KLHL2: variants seen among roughly 807,000 people sequenced by gnomAD.
KLHL2 encodes kelch-like protein 2.
KLHL2 carries 15 observed loss-of-function variants against 75.8 expected under a neutral mutation model. That is an observed-to-expected ratio of 0.20 (90% CI 0.13 to 0.30). The LOEUF (loss-of-function observed/expected upper bound fraction) is 0.30, where lower values mean the gene tolerates loss of function less well. Ranked by LOEUF, KLHL2 falls within the 10% of genes least tolerant of loss-of-function variation. The pLI, the probability that KLHL2 is intolerant of heterozygous loss-of-function variation, is 1.00. For missense variants in KLHL2, 381 were observed against 741.0 expected (o/e 0.51, Z 5.64); for synonymous variants, 214 against 251.9 (o/e 0.85, Z 1.42).
chr4:165,268,348 C>T (rs1392492055), intron 5 of KLHL2, among the ~76,000 whole-genome samples: 1 of 152,082 alleles, frequency 6.6e-6, no homozygotes, highest in African/African-American at 2.4e-5. Flanking sequence ...TTCTTGTCTT[C>T]TGCTAGCTTT....
At chr4:165,274,534 G>A (rs1323426298) in intron 5 of KLHL2, among the ~76,000 whole-genome samples, 12 of 151,688 alleles carry the variant, frequency 7.9e-5, no homozygotes, top group South Asian at 4.1e-4. Flanking sequence ...GCCTGAACCC[G>A]GGAGGCGGAG....
intron 5 of KLHL2, among the ~76,000 whole-genome samples, chr4:165,264,767 A>T (rs113440533): frequency 0.011 from 808 of 71,726 alleles, 7 homozygotes; most frequent in African/African-American, 0.026. Flanking sequence ...TATATATATA[A>T]AACATTATCC....
intron 2 of KLHL2, among the ~76,000 whole-genome samples, chr4:165,224,266 A>G (rs1738251513): frequency 6.6e-6 from 1 of 152,172 alleles, no homozygotes; most frequent in Non-Finnish European, 1.5e-5. Context: ...GCTATAGGAT[A>G]AGACTGTACT....
Position 165,212,128 on chromosome 4 carries a change from A to G in KLHL2, c.26+4226A>G, listed in dbSNP as rs566035058. ...TATGATGAGGTAGTTTGAGTTTTTA[A>G]TTTATATTTATTGAGTGCCTACTAT... On this transcript the variant is annotated intron_variant, in intron 1 of 14. Transcript: ENST00000226725. Among the ~76,000 whole-genome samples, 41 of 152,176 alleles carry G rather than the reference A, an allele frequency of 2.7e-4. No individual in the cohort carries two copies. The South Asian group carries it at 7.1e-3, about 26-fold the overall frequency.
chr4:165,291,072 A>G (rs982664594), intron 5 of KLHL2, among the ~76,000 whole-genome samples: 1 of 152,246 alleles, frequency 6.6e-6, no homozygotes, highest in Non-Finnish European at 1.5e-5. Flanking sequence ...GCAGTTCTCT[A>G]ATGACATGTA....
intron 1 of KLHL2, chr4:165,209,376 T>G (rs1056894342): frequency 9.2e-5 from 14 of 152,238 alleles, no homozygotes; most frequent in African/African-American, 3.4e-4. Context: ...GTAGTAAACC[T>G]GCCTTCTACA....
At chr4:165,291,970 C>A (rs1047174794) in intron 5 of KLHL2, among the ~76,000 whole-genome samples, 1 of 152,122 alleles carries the variant, frequency 6.6e-6, no homozygotes, top group African/African-American at 2.4e-5. Context: ...GGTGGGATTA[C>A]AGGTGTGAGC....
intron 5 of KLHL2, among the ~76,000 whole-genome samples, chr4:165,289,004 C>T (rs1474412281): frequency 4.6e-5 from 7 of 152,046 alleles, no homozygotes. Flanking sequence ...TATAAAATAA[C>T]AGGTGAGCTG....
At position 165,316,205 on chromosome 4, in the gene KLHL2, C is replaced by T. The variant is rs117844112; in HGVS notation, c.1610-1621C>T. 2.2e-4 allele frequency among the ~76,000 whole-genome samples: 33 copies of T among 152,292 alleles called. No individual in the cohort carries two copies. In the East Asian group the frequency reaches 6.0e-3, roughly 28 times the overall value. On this transcript the variant is annotated intron_variant, in intron 13 of 14. Transcript: ENST00000226725. ...ATGTATGGACCAACCTCCCTTTCTGCAGTGGGATGCTCTTTAATCTGTGAG... is the reference window on the plus strand; with the variant it reads ...ATGTATGGACCAACCTCCCTTTCTGTAGTGGGATGCTCTTTAATCTGTGAG...
At chr4:165,267,956 TA>T (rs1250741712) in intron 5 of KLHL2, among the ~76,000 whole-genome samples, 1 of 152,190 alleles carries the variant, frequency 6.6e-6, no homozygotes, top group Non-Finnish European at 1.5e-5. Flanking sequence ...TTTTTTTGGT[TA>T]ATAGGCTATT....
In KLHL2 at chr4:165,310,721, A is replaced by G; in HGVS notation, c.1208A>G (p.Tyr403Cys). Residue 403 changes from tyrosine (Y) to cysteine (C), a missense_variant, in exon 10 of 15, where the codon TAC becomes TGC. Transcript: ENST00000226725. ...GCTGCTGTGTTAAATGGATTATTAT[A>G]CGCTGTGGGAGGCTTTGATGGGAGT... The part of the protein sequence containing the change: ...LGAAVLNGLL[Y>C]AVGGFDGSTG... 6.2e-7 allele frequency: 1 copy of G among 1,613,644 alleles called. No homozygotes were observed. Among genetic ancestry groups the G allele is most frequent in the Non-Finnish European group, 8.5e-7 (1 of 1,179,880 alleles).
chr4:165,283,034 G>C (rs1198006661), intron 5 of KLHL2, among the ~76,000 whole-genome samples: 1 of 152,012 alleles, frequency 6.6e-6, no homozygotes, highest in Non-Finnish European at 1.5e-5. Context: ...AAAACCATCA[G>C]ATCTCATGAT....
At chr4:165,239,915 T>C (rs954546572) in intron 4 of KLHL2, among the ~76,000 whole-genome samples, 3 of 152,224 alleles carry the variant, frequency 2.0e-5, no homozygotes, top group African/African-American at 7.2e-5. Context: ...TGAAACTTGC[T>C]TTTTGAACTG....
intron 5 of KLHL2, chr4:165,278,690 T>A: frequency 6.2e-7 from 1 of 1,604,276 alleles, no homozygotes; most frequent in Non-Finnish European, 8.5e-7. Flanking sequence ...TACAGAACCT[T>A]CCAAAGCGTA....
intron 4 of KLHL2, 39 bp from the exon 5 acceptor site, chr4:165,263,158 C>G: frequency 6.2e-7 from 1 of 1,605,282 alleles, no homozygotes; most frequent in Non-Finnish European, 8.5e-7. Context: ...CAGTGTTTTT[C>G]CACCCAAGTG....
chr4:165,218,386 T>C (rs560674175), intron 1 of KLHL2, among the ~76,000 whole-genome samples: 10 of 152,174 alleles, frequency 6.6e-5, no homozygotes, highest in Non-Finnish European at 1.2e-4. Flanking sequence ...CAGGTACATA[T>C]TGGCCTTTGC....
chr4:165,227,507 G>A (rs970145148), intron 2 of KLHL2, among the ~76,000 whole-genome samples: 3 of 152,134 alleles, frequency 2.0e-5, no homozygotes, highest in African/African-American at 7.2e-5. Context: ...AAGTAGGCAG[G>A]CCACCTTTTT....
chr4:165,281,309 C>CTCTTTTT (rs554085206), intron 5 of KLHL2, among the ~76,000 whole-genome samples: 1 of 139,618 alleles, frequency 7.2e-6, no homozygotes, highest in African/African-American at 2.7e-5. Context: ...CTCTCTCTCT[C>CTCTTTTT]TTTTTTTTTT....
In KLHL2 at chr4:165,207,936, G is replaced by A. The variant is rs1736939415; in HGVS notation, c.26+34G>A. 4 of 1,361,466 alleles carry A rather than the reference G, an allele frequency of 2.9e-6. No homozygotes were observed. The highest frequency in any genetic ancestry group is 3.8e-6 in the Non-Finnish European group (4 of 1,052,822). 84.3% of individuals were successfully genotyped at this position (1,361,466 alleles called of 1,614,324 possible). Reference sequence around the variant, plus strand: ...GCGGGCGGGCGGGCTGCGCCGCTGCGGATAAGCGCGCCGCTGCGGCGCGTG... The same window carrying A: ...GCGGGCGGGCGGGCTGCGCCGCTGCAGATAAGCGCGCCGCTGCGGCGCGTG... On this transcript the variant is annotated intron_variant, in intron 1 of 14. Transcript: ENST00000226725. The surrounding 1 kb of genome is among the most constrained non-coding windows in gnomAD (Gnocchi z 4.2).
Sources: allele counts gnomAD v4.1 joint callset (sites outside exome capture counted in the v4.1 genomes callset), GRCh38; gene constraint gnomAD v4.1.1; non-coding constraint Gnocchi (gnomAD v3.1); transcripts MANE v1.5; gene names NCBI Gene and HGNC (gene_info 2026-07-23, HGNC 2026-07-21).